Variants in APC2 observed in about 807,000 individuals in gnomAD.
APC2 encodes APC regulator of Wnt signaling pathway 2.
In APC2, 41 loss-of-function variants were observed where a neutral mutation model predicts 72.5. The observed-to-expected ratio is 0.57, with a 90% CI of 0.44 to 0.73. The LOEUF (loss-of-function observed/expected upper bound fraction) is 0.73, where lower values mean the gene tolerates loss of function less well. APC2 is among the 30% of genes least tolerant of loss of function. The pLI is 0.00. For missense variants in APC2, 3,729 were observed against 3,403.4 expected, an observed-to-expected ratio of 1.10 and a Z score of -2.38; for synonymous variants, 1,898 against 1,612.0, an observed-to-expected ratio of 1.18 and a Z score of -4.25.
At position 1,467,520 on chromosome 19, in the gene APC2, A is replaced by G. The variant is rs1240977798; in HGVS notation, c.4219A>G (p.Ser1407Gly). 2.0e-6 allele frequency: 3 copies of G among 1,472,916 alleles called. No homozygotes were observed. Among genetic ancestry groups the G allele is most frequent in the Admixed American group, 4.6e-5 (2 of 43,158 alleles). The allele number at this position is 1,472,916 out of a possible 1,614,324, so 91.2% of individuals were successfully genotyped here. A position where few individuals can be genotyped will look rare whatever the true frequency, so the allele number is the denominator to read the frequency against. Residue 1407 changes from serine (S) to glycine (G), a missense_variant, in exon 15 of 15, where the codon AGC becomes GGC. Transcript: ENST00000590469. ...CAACTTCTCTAGCGCCGCCTCGCTC[A>G]GCGACGAGACGCTGCAGGGACCCCC... ...PVNFSSAASL[S>G]DETLQGPPRD...
intron 6 of APC2, 91 bp downstream of exon 6, chr19:1,455,591 T>G (rs1206283209): frequency 7.8e-7 from 1 of 1,277,910 alleles, no homozygotes; most frequent in Non-Finnish European, 1.1e-6. Flanking sequence ...GGGTCTGGGG[T>G]AATGGGAGGA....
chr19:1,469,468 C>A lies in APC2; in HGVS notation c.6167C>A (p.Pro2056Gln), dbSNP rs549641525. 0.012 allele frequency: 13,892 copies of A among 1,125,526 alleles called. 130 individuals are homozygous for A. The highest frequency in any genetic ancestry group is 0.024 in the South Asian group (669 of 28,244). 69.7% of individuals were successfully genotyped at this position (1,125,526 alleles called of 1,614,324 possible). A position where few individuals can be genotyped will look rare whatever the true frequency, so the allele number is the denominator to read the frequency against. Reference sequence around the variant, plus strand: ...GCGGCACCCCGGCAGGGCCCGGCCCCGGCCCGGCAGCGGCCCCCCGCGGCC... The same window carrying A: ...GCGGCACCCCGGCAGGGCCCGGCCCAGGCCCGGCAGCGGCCCCCCGCGGCC... Reference protein sequence around the residue: ...LRAAPRQGPAPARQRPPAARP... With the variant: ...LRAAPRQGPAQARQRPPAARP... The change falls in exon 15 of 15, where the codon CCG becomes CAG. Residue 2056 changes from proline to glutamine, a missense_variant. Transcript: ENST00000590469.
intron 5 of APC2, 36 bp from the exon 6 acceptor site, chr19:1,455,348 G>T (rs763545966): frequency 5.0e-6 from 8 of 1,598,586 alleles, no homozygotes; most frequent in African/African-American, 1.3e-5. Flanking sequence ...TGGCCCGGGC[G>T]CCCCTCACCG....
At chr19:1,462,231 A>AGGGCT in intron 14 of APC2, 54 bp downstream of exon 14, 4 of 1,455,650 alleles carry the variant, frequency 2.7e-6, no homozygotes, top group Admixed American at 2.1e-5. Flanking sequence ...GGGCGGGCAC[A>AGGGCT]GGGCTGGGCT....
Position 1,467,927 on chromosome 19 carries a change from G to A in APC2, c.4626G>A (p.Pro1542=), listed in dbSNP as rs111699814. ...CTCGCGCTTTTACGCGGGAGCGTCC[G>A]CAGGGCCGGAAGGAGGCCCCTGCCC... ...AIPRAFTRER[P]QGRKEAPAPS... The change falls in exon 15 of 15, where the codon CCG becomes CCA. Residue 1542 remains proline (P), a synonymous_variant. Coordinates refer to ENST00000590469, the MANE Select transcript of APC2 (RefSeq NM_005883.3). 1,663 of 1,584,704 alleles carry A rather than the reference G, an allele frequency of 1.0e-3. 6 individuals are homozygous for A. Among genetic ancestry groups the A allele is most frequent in the South Asian group, 1.6e-3 (146 of 89,438 alleles).
At chr19:1,461,912 T>C in intron 13 of APC2, 51 bp from the exon 14 acceptor site, 1 of 1,491,452 alleles carries the variant, frequency 6.7e-7, no homozygotes, top group Non-Finnish European at 9.1e-7. Flanking sequence ...TGGGAGCCTT[T>C]CCTCCGGGCC....
rs576185165 is a variant in APC2, at chr19:1,467,932, G to A, written c.4631G>A (p.Gly1544Asp). 8 of 1,585,870 alleles carry A rather than the reference G, an allele frequency of 5.0e-6. No individual in the cohort carries two copies. In the African/African-American group the frequency reaches 9.6e-5, roughly 19 times the overall value. Reference sequence around the variant, plus strand: ...GCTTTTACGCGGGAGCGTCCGCAGGGCCGGAAGGAGGCCCCTGCCCCGTCC... The same window carrying A: ...GCTTTTACGCGGGAGCGTCCGCAGGACCGGAAGGAGGCCCCTGCCCCGTCC... ...PRAFTRERPQGRKEAPAPSKA... is the reference protein window; with the variant it reads ...PRAFTRERPQDRKEAPAPSKA... Residue 1544 changes from glycine to aspartate, a missense_variant, in exon 15 of 15, where the codon GGC (glycine) becomes GAC (aspartate). Transcript: ENST00000590469.
rs2084069428 is a variant in APC2 at position 1,468,581 on chromosome 19, G to C, written c.5280G>C (p.Lys1760Asn). Residue 1760 changes from lysine (K) to asparagine (N), a missense_variant, in exon 15 of 15, where the codon AAG becomes AAC. Lys to Asn is a moderately conservative substitution (Grantham distance 94). Coordinates refer to ENST00000590469, the MANE Select transcript of APC2 (RefSeq NM_005883.3). ...RPEKRGAASV[K>N]TSGSPRSPAG... ...AGAAAAGGGGCGCAGCCTCAGTCAA[G>C]ACCAGCGGGAGCCCCCGTTCCCCTG... The C allele has an allele frequency of 1.2e-6, 2 of 1,600,292 alleles. No homozygotes were observed. The highest frequency in any genetic ancestry group is 1.7e-6 in the Non-Finnish European group (2 of 1,171,666).
rs1481431180 is a variant in APC2 at position 1,467,608 on chromosome 19, G to A, written c.4307G>A (p.Arg1436Lys). 1 of 1,507,502 alleles carries A rather than the reference G, an allele frequency of 6.6e-7. No individual in the cohort carries two copies. The highest frequency in any genetic ancestry group is 8.8e-7 in the Non-Finnish European group (1 of 1,135,080). The allele number at this position is 1,507,502 out of a possible 1,614,324, so 93.4% of individuals were successfully genotyped here. ...CCCACCGGCCGCCCCACCTCTGCCA[G>A]ACAGGCCATGGGGCACCGGCACAAG... ...QRPTGRPTSA[R>K]QAMGHRHKAG... Residue 1436 changes from arginine to lysine, a missense_variant, in exon 15 of 15, where the codon AGA becomes AAA. Physicochemically the swap from Arg to Lys is conservative, Grantham distance 26. Coordinates refer to ENST00000590469, the MANE Select transcript of APC2 (RefSeq NM_005883.3).
Position 1,469,105 on chromosome 19 carries a change from G to A in APC2, c.5804G>A (p.Arg1935Lys). 7.1e-7 allele frequency: 1 copy of A among 1,400,898 alleles called. No homozygotes were observed. The highest frequency in any genetic ancestry group is 9.4e-7 in the Non-Finnish European group (1 of 1,068,150). The allele number at this position is 1,400,898 out of a possible 1,614,324, so 86.8% of individuals were successfully genotyped here. The change falls in exon 15 of 15, where the codon AGG becomes AAG. Residue 1935 changes from arginine (R) to lysine (K), a missense_variant. Transcript: ENST00000590469. ...RSPVRIPFMQ[R>K]PARRGPPPLA... ...CCCGTGCGGATCCCGTTCATGCAGA[G>A]GCCGGCCCGGCGTGGGCCGCCACCG...
rs771810343 is a variant in APC2, at chr19:1,468,914, C to A, written c.5613C>A (p.Thr1871=). The A allele has an allele frequency of 6.9e-5, 105 of 1,531,534 alleles. No individual in the cohort carries two copies. The highest frequency in any genetic ancestry group is 8.9e-5 in the Non-Finnish European group (102 of 1,146,884). 94.9% of individuals were successfully genotyped at this position (1,531,534 alleles called of 1,614,324 possible). A position where few individuals can be genotyped will look rare whatever the true frequency, so the allele number is the denominator to read the frequency against. The change falls in exon 15 of 15, where the codon ACC becomes ACA. Residue 1871 remains threonine, a synonymous_variant. Transcript: ENST00000590469. ...SATPPARLAK[T]PSSSSSQTSP... ...CACCGCCCGCCCGCCTCGCCAAGACCCCCTCCTCCAGCTCCTCCCAGACCT... is the reference window on the plus strand; with the variant it reads ...CACCGCCCGCCCGCCTCGCCAAGACACCCTCCTCCAGCTCCTCCCAGACCT...
chr19:1,468,804 C>A lies in APC2; in HGVS notation c.5503C>A (p.Pro1835Thr). The A allele has an allele frequency of 6.5e-7, 1 of 1,534,936 alleles. No individual in the cohort carries two copies. Among genetic ancestry groups the A allele is most frequent in the Non-Finnish European group, 8.7e-7 (1 of 1,144,284 alleles). Residue 1835 changes from proline (P) to threonine (T), a missense_variant, in exon 15 of 15, where the codon CCC (proline) becomes ACC (threonine). Physicochemically the swap from Pro to Thr is conservative, Grantham distance 38 (BLOSUM62 -1). Transcript: ENST00000590469. Reference sequence around the variant, plus strand: ...CGCGGCTCCAGCCAAAGTCCCGAGCCCCGGGCAGCAGCGGTCGCGGAGCCT... The same window carrying A: ...CGCGGCTCCAGCCAAAGTCCCGAGCACCGGGCAGCAGCGGTCGCGGAGCCT... Reference protein sequence around the residue: ...QPAAPAKVPSPGQQRSRSLHR... With the variant: ...QPAAPAKVPSTGQQRSRSLHR...
At chr19:1,460,712 T>G in intron 11 of APC2, 68 bp from the exon 12 acceptor site, 1 of 1,494,154 alleles carries the variant, frequency 6.7e-7, no homozygotes, top group Non-Finnish European at 9.2e-7. Context: ...CAGACGGGGC[T>G]GGGAGGTGAG....
In APC2 at chr19:1,462,107, G is replaced by A. The variant is rs1275265307; in HGVS notation, c.1783G>A (p.Ala595Thr). The part of the protein sequence containing the change: ...LTYKCQSNSL[A>T]IIESGGGILR... ...CTACAAGTGTCAGAGCAACTCGCTG[G>A]CCATCATCGAGAGCGGCGGCGGCAT... Residue 595 changes from alanine to threonine, a missense_variant, in exon 14 of 15, where the codon GCC (alanine) becomes ACC (threonine). By Grantham distance (58) the Ala-to-Thr change is moderately conservative. Transcript: ENST00000590469. 1 of 1,612,870 alleles carries A rather than the reference G, an allele frequency of 6.2e-7. No individual in the cohort carries two copies. Among genetic ancestry groups the A allele is most frequent in the Non-Finnish European group, 8.5e-7 (1 of 1,180,008 alleles).
In APC2 at chr19:1,455,146, C is replaced by T; in HGVS notation, c.414-3C>T. The T allele has an allele frequency of 1.3e-6, 2 of 1,567,500 alleles. No homozygotes were observed. The highest frequency in any genetic ancestry group is 2.4e-5 in the East Asian group (1 of 42,198). ...AGCCCGCCCCCGCTGACTTGCTCCCCAGGTGTTTCCTGCTGAATGAGATTG... is the reference window on the plus strand; with the variant it reads ...AGCCCGCCCCCGCTGACTTGCTCCCTAGGTGTTTCCTGCTGAATGAGATTG... On this transcript the variant is annotated splice_region_variant and splice_polypyrimidine_tract_variant and intron_variant, in intron 4 of 14. Coordinates refer to ENST00000590469, the MANE Select transcript of APC2 (RefSeq NM_005883.3).
In APC2 at chr19:1,468,876, C is replaced by T; in HGVS notation, c.5575C>T (p.Pro1859Ser). Residue 1859 changes from proline to serine, a missense_variant, in exon 15 of 15, where the codon CCC becomes TCC. Coordinates refer to ENST00000590469, the MANE Select transcript of APC2 (RefSeq NM_005883.3). ...GGAGCTGGCGACGCTGAGCCAGCCCCCCAGAAGCGCCACACCGCCCGCCCG... is the reference window on the plus strand; with the variant it reads ...GGAGCTGGCGACGCTGAGCCAGCCCTCCAGAAGCGCCACACCGCCCGCCCG... ...TSELATLSQPPRSATPPARLA... is the reference protein window; with the variant it reads ...TSELATLSQPSRSATPPARLA... 2 of 1,539,916 alleles carry T rather than the reference C, an allele frequency of 1.3e-6. No homozygotes were observed. Among genetic ancestry groups the T allele is most frequent in the Non-Finnish European group, 8.7e-7 (1 of 1,150,960 alleles).
rs142061482 is a variant in APC2 at position 1,470,562 on chromosome 19, CGGGTCT to C, written c.*361_*366del. 5,392 of 228,692 alleles carry C rather than the reference CGGGTCT, an allele frequency of 0.024. 322 individuals are homozygous for C. Among genetic ancestry groups the C allele is most frequent in the African/African-American group, 0.12 (5,123 of 43,254 alleles). 14.2% of individuals were successfully genotyped at this position (228,692 alleles called of 1,614,324 possible). ...CGAGGGAGGCGGTAGCCTCCGGGTCCGGGTCTGGGTCTGGGTCCGCTGCTTCGCAGG... is the reference window on the plus strand; with the variant it reads ...CGAGGGAGGCGGTAGCCTCCGGGTCCGGGTCTGGGTCCGCTGCTTCGCAGG... On this transcript the variant is annotated 3_prime_UTR_variant, in exon 15 of 15. Transcript: ENST00000590469.
chr19:1,455,081 T>C, intron 4 of APC2, 68 bp from the exon 5 acceptor site: 1 of 1,056,954 alleles, frequency 9.5e-7, no homozygotes. Flanking sequence ...TAACAAGTGA[T>C]TACAAATATC....
At position 1,460,873 on chromosome 19, in the gene APC2, C is replaced by T. The variant is rs111344118; in HGVS notation, c.1521+16C>T. On this transcript the variant is annotated intron_variant, in intron 12 of 14. Transcript: ENST00000590469. Reference sequence around the variant, plus strand: ...GCTCCACCAGGTACAGGGCGGGGTGCTGGGAAAGCCTTCCAGGGTGTCCCT... The same window carrying T: ...GCTCCACCAGGTACAGGGCGGGGTGTTGGGAAAGCCTTCCAGGGTGTCCCT... The T allele has an allele frequency of 3.2e-5, 51 of 1,612,924 alleles. 1 individual carries two copies. The African/African-American group carries it at 3.9e-4, about 12-fold the overall frequency.
Sources: allele counts gnomAD v4.1 joint callset, GRCh38; gene constraint gnomAD v4.1.1; transcripts MANE v1.5; gene names NCBI Gene and HGNC (gene_info 2026-07-23, HGNC 2026-07-21).